FBXW7: variants seen among roughly 807,000 people sequenced by gnomAD.
FBXW7 encodes the protein F-box/WD repeat-containing protein 7.
Under a neutral mutation model 86.3 loss-of-function variants are expected in FBXW7, and 11 were observed. The observed-to-expected ratio is 0.13, with a 90% CI of 0.08 to 0.21. The LOEUF is 0.21. FBXW7 is among the 10% of genes least tolerant of loss of function. The pLI, the probability that FBXW7 is intolerant of heterozygous loss-of-function variation, is 1.00. For synonymous variants in FBXW7, 313 were observed against 297.9 expected (o/e 1.05, Z -0.52); for missense variants, 488 against 847.4 (o/e 0.58, Z 5.27).
rs558213960 is a variant in FBXW7, at chr4:152,443,108, C to A, written c.-119-30579G>T. ...AGAAGCCCTGTCTCTACTAAAAATA[C>A]AAAATTAGCCGGGCGTGGTGGTGCA... On this transcript the variant is annotated intron_variant, in intron 2 of 13. Transcript: ENST00000281708. Among the ~76,000 whole-genome samples the A allele has an allele frequency of 8.5e-5, 13 of 152,048 alleles. No individual in the cohort carries two copies. The East Asian group carries it at 2.5e-3, about 29-fold the overall frequency.
At chr4:152,528,819 G>A (rs1488585970) in intron 2 of FBXW7, among the ~76,000 whole-genome samples, 1 of 151,996 alleles carries the variant, frequency 6.6e-6, no homozygotes, top group Non-Finnish European at 1.5e-5. Flanking sequence ...CATAAAACAG[G>A]ATATTAAGTG....
chr4:152,469,530 T>C (rs1348646345), intron 2 of FBXW7, among the ~76,000 whole-genome samples: 1 of 152,114 alleles, frequency 6.6e-6, no homozygotes, highest in Non-Finnish European at 1.5e-5. Flanking sequence ...TGGTTCATGT[T>C]GGCATGTTGC....
intron 2 of FBXW7, among the ~76,000 whole-genome samples, chr4:152,521,154 T>C (rs148058258): frequency 2.7e-4 from 41 of 152,228 alleles, no homozygotes; most frequent in African/African-American, 9.1e-4. Flanking sequence ...ACAAGACTCT[T>C]GCCCTCAAAG....
At chr4:152,484,254 G>C (rs1472656082) in intron 2 of FBXW7, among the ~76,000 whole-genome samples, 3 of 151,948 alleles carry the variant, frequency 2.0e-5, no homozygotes, top group Non-Finnish European at 4.4e-5. Context: ...ACTATGTATA[G>C]AGGATTTTTT....
chr4:152,339,922 CAAAA>C (rs1227838925), intron 6 of FBXW7, among the ~76,000 whole-genome samples: 1 of 66,354 alleles, frequency 1.5e-5, no homozygotes, highest in African/African-American at 5.1e-5. Flanking sequence ...GGCTTTGTCT[CAAAA>C]AAAAAAAAAA....
intron 4 of FBXW7, among the ~76,000 whole-genome samples, chr4:152,357,318 G>GTT (rs527717602): frequency 3.3e-5 from 5 of 150,722 alleles, no homozygotes; most frequent in Admixed American, 2.6e-4. Context: ...AGAAGTAGTA[G>GTT]TTTTTTCTTT....
At chr4:152,392,277 AG>A (rs1736057387) in intron 4 of FBXW7, among the ~76,000 whole-genome samples, 1 of 152,066 alleles carries the variant, frequency 6.6e-6, no homozygotes, top group Non-Finnish European at 1.5e-5. Flanking sequence ...CATTAGAGAT[AG>A]TAAAAATGGT....
chr4:152,331,434 A>C (rs1347053386), intron 8 of FBXW7, among the ~76,000 whole-genome samples: 1 of 152,106 alleles, frequency 6.6e-6, no homozygotes, highest in Non-Finnish European at 1.5e-5. Flanking sequence ...TGAACCTTGA[A>C]GACATTATGC....
At chr4:152,480,504 A>G (rs1048243332) in intron 2 of FBXW7, among the ~76,000 whole-genome samples, 59 of 152,176 alleles carry the variant, frequency 3.9e-4, no homozygotes, top group Admixed American at 3.6e-3. Context: ...AGAGTCACAC[A>G]TTACTCACTT....
chr4:152,352,917 G>A, intron 4 of FBXW7: 1 of 1,428,874 alleles, frequency 7.0e-7, no homozygotes, highest in African/African-American at 1.4e-5. Context: ...AATGCAGACT[G>A]CACATCAATT....
intron 2 of FBXW7, among the ~76,000 whole-genome samples, chr4:152,451,030 G>T (rs1260923371): frequency 6.6e-6 from 1 of 152,164 alleles, no homozygotes; most frequent in Non-Finnish European, 1.5e-5. Flanking sequence ...CTAATTTGAT[G>T]TATAGTATTG....
chr4:152,420,063 ATCT>A (rs1738806777), intron 2 of FBXW7, among the ~76,000 whole-genome samples: 1 of 152,190 alleles, frequency 6.6e-6, no homozygotes, highest in South Asian at 2.1e-4. Context: ...CTAACTGTAG[ATCT>A]TCTTTCAAGA....
intron 2 of FBXW7, among the ~76,000 whole-genome samples, chr4:152,428,912 C>T (rs1739621320): frequency 1.3e-5 from 2 of 152,162 alleles, no homozygotes; most frequent in South Asian, 4.1e-4. Flanking sequence ...TTTCAGAACA[C>T]TTTGGCCGGG....
chr4:152,505,541 A>C (rs941513970), intron 2 of FBXW7, among the ~76,000 whole-genome samples: 1 of 152,070 alleles, frequency 6.6e-6, no homozygotes, highest in South Asian at 2.1e-4. Flanking sequence ...TTAACTTTCA[A>C]AACTGTTTTA....
intron 2 of FBXW7, among the ~76,000 whole-genome samples, chr4:152,529,462 G>C (rs1749817133): frequency 1.3e-5 from 2 of 152,036 alleles, no homozygotes; most frequent in African/African-American, 2.4e-5. Context: ...TAACTAAAAA[G>C]TGATCATTAT....
chr4:152,466,255 CTTAAAAA>C (rs1429500173), intron 2 of FBXW7, among the ~76,000 whole-genome samples: 1 of 152,086 alleles, frequency 6.6e-6, no homozygotes, highest in Non-Finnish European at 1.5e-5. Context: ...AAATTGGTAC[CTTAAAAA>C]TTAAAGACAC....
chr4:152,381,392 T>C (rs1184189197), intron 4 of FBXW7, among the ~76,000 whole-genome samples: 1 of 152,082 alleles, frequency 6.6e-6, no homozygotes, highest in Admixed American at 6.6e-5. Context: ...TATACACAAA[T>C]ACACTCATTT....
At chr4:152,462,909 CTTCCAG>C (rs1743079901) in intron 2 of FBXW7, among the ~76,000 whole-genome samples, 1 of 150,592 alleles carries the variant, frequency 6.6e-6, no homozygotes, top group Non-Finnish European at 1.5e-5. Context: ...CCCACTTCCA[CTTCCAG>C]TCTTTTTTTT....
At chr4:152,519,808 C>G (rs1053880290) in intron 2 of FBXW7, among the ~76,000 whole-genome samples, 2 of 152,184 alleles carry the variant, frequency 1.3e-5, no homozygotes, top group African/African-American at 4.8e-5. Flanking sequence ...ACTTAAGAGA[C>G]AGCATGCATG....
Sources: allele counts gnomAD v4.1 joint callset (sites outside exome capture counted in the v4.1 genomes callset), GRCh38; gene constraint gnomAD v4.1.1; transcripts MANE v1.5; gene names NCBI Gene and HGNC (gene_info 2026-07-23, HGNC 2026-07-21).